The following ARHGEF7 variants were observed in gnomAD, a reference collection of about 807,000 sequenced individuals.
The protein encoded by ARHGEF7 is Rho guanine nucleotide exchange factor 7, also known as PAK-interacting exchange factor beta.
In ARHGEF7, 33 loss-of-function variants were observed where a neutral mutation model predicts 109.8. The ratio of observed to expected loss-of-function variants is 0.30; its 90% confidence interval spans 0.23 to 0.40. The LOEUF is 0.40. Among genes scored for constraint, ARHGEF7 ranks in the 10% least tolerant of loss-of-function variants. The pLI, the probability that ARHGEF7 is intolerant of heterozygous loss-of-function variation, is 1.00. For synonymous variants in ARHGEF7, 458 were observed against 424.6 expected (o/e 1.08, Z -0.97); for missense variants, 938 against 1,098.5 (o/e 0.85, Z 2.07).
At chr13:111,267,785 T>C in intron 9 of ARHGEF7, 115 bp downstream of exon 9, 1 of 1,279,686 alleles carries the variant, frequency 7.8e-7, no homozygotes, top group Non-Finnish European at 1.1e-6. Flanking sequence ...GTATGAATTT[T>C]AATTACCCCT....
chr13:111,132,203 A>G (rs2074791435), intron 1 of ARHGEF7, among the ~76,000 whole-genome samples: 1 of 152,142 alleles, frequency 6.6e-6, no homozygotes, highest in South Asian at 2.1e-4. Flanking sequence ...CCTTTCCCAC[A>G]TTTTAAAGTG....
At chr13:111,292,627 A>G in intron 19 of ARHGEF7, 7 of 1,186,570 alleles carry the variant, frequency 5.9e-6, no homozygotes, top group South Asian at 2.5e-5. Context: ...CAGTGTAGCA[A>G]CTGTTTGATT....
intron 6 of ARHGEF7, among the ~76,000 whole-genome samples, chr13:111,238,357 G>A (rs2087134916): frequency 6.6e-6 from 1 of 152,182 alleles, no homozygotes; most frequent in Admixed American, 6.5e-5. Context: ...CCCTGACCTG[G>A]TAGTATTAAG....
At chr13:111,212,024 G>T (rs1049758838) in intron 4 of ARHGEF7, among the ~76,000 whole-genome samples, 3 of 152,154 alleles carry the variant, frequency 2.0e-5, no homozygotes, top group Non-Finnish European at 4.4e-5. Flanking sequence ...CTCTTGTGTT[G>T]CTCCTTCATT....
Position 111,297,153 on chromosome 13 carries a change from A to T in ARHGEF7, c.2312-3595A>T, listed in dbSNP as rs186621771. Reference sequence around the variant, plus strand: ...ACTTACGTAAACCTGGCTAGAGAACATTTCTTTGTTGTTTTTTGAAAGGTA... The same window carrying T: ...ACTTACGTAAACCTGGCTAGAGAACTTTTCTTTGTTGTTTTTTGAAAGGTA... On this transcript the variant is annotated intron_variant, in intron 19 of 21. Coordinates refer to ENST00000646102, the MANE Select transcript of ARHGEF7 (RefSeq NM_001354046.2). Among the ~76,000 whole-genome samples the T allele has an allele frequency of 2.4e-3, 364 of 152,338 alleles. 2 individuals are homozygous for T. The highest frequency in any genetic ancestry group is 7.8e-3 in the African/African-American group (325 of 41,578).
At chr13:111,115,762 C>G in intron 1 of ARHGEF7, 71 bp downstream of exon 1, 1 of 943,112 alleles carries the variant, frequency 1.1e-6, no homozygotes, top group Non-Finnish European at 1.3e-6. Context: ...GCGCGCGGAG[C>G]ACCTGAGGCC....
At chr13:111,136,637 A>G (rs559883791) in intron 1 of ARHGEF7, among the ~76,000 whole-genome samples, 1 of 152,270 alleles carries the variant, frequency 6.6e-6, no homozygotes, top group African/African-American at 2.4e-5. Context: ...CCACAAGAGA[A>G]AGCAGGAAAG....
chr13:111,301,354 A>G (rs2093562230), intron 20 of ARHGEF7, 124 bp from the exon 21 acceptor site: 5 of 806,664 alleles, frequency 6.2e-6, no homozygotes, highest in South Asian at 3.3e-5. Flanking sequence ...TGTAGACAGT[A>G]CATGGGTAAG....
At chr13:111,173,508 C>T (rs983062869) in intron 2 of ARHGEF7, among the ~76,000 whole-genome samples, 2 of 152,208 alleles carry the variant, frequency 1.3e-5, no homozygotes, top group African/African-American at 4.8e-5. Context: ...TGCTCTGTAG[C>T]GTAAGCTCAG....
chr13:111,198,240 C>G (rs527919560), intron 2 of ARHGEF7, among the ~76,000 whole-genome samples: 1 of 152,176 alleles, frequency 6.6e-6, no homozygotes, highest in Non-Finnish European at 1.5e-5. Context: ...ATTTAGCCCC[C>G]GAATTCTACG....
Position 111,258,061 on chromosome 13 carries a change from G to A in ARHGEF7, c.951-9487G>A, listed in dbSNP as rs1320613877. Among the ~76,000 whole-genome samples, 1 of 152,222 alleles carries A rather than the reference G, an allele frequency of 6.6e-6. No homozygotes were observed. The highest frequency in any genetic ancestry group is 1.5e-5 in the Non-Finnish European group (1 of 68,028). ...GGGCTCTGAGCCAGTGGCCTTGGGG[G>A]GCCTGCAACCTAGTGAGACCTCAGC... On this transcript the variant is annotated intron_variant, in intron 8 of 21. Coordinates refer to ENST00000646102, the MANE Select transcript of ARHGEF7 (RefSeq NM_001354046.2). This position sits in a 1 kb window ranked among gnomAD's most constrained non-coding sequence, Gnocchi z 4.4.
At chr13:111,248,838 G>A (rs1254930012) in intron 8 of ARHGEF7, among the ~76,000 whole-genome samples, 1 of 152,130 alleles carries the variant, frequency 6.6e-6, no homozygotes, top group Non-Finnish European at 1.5e-5. Flanking sequence ...GATGGGTTAC[G>A]TCTTCATGAT....
intron 8 of ARHGEF7, among the ~76,000 whole-genome samples, chr13:111,256,426 G>A (rs768138502): frequency 1.7e-4 from 26 of 152,184 alleles, no homozygotes; most frequent in Non-Finnish European, 3.2e-4. Context: ...AGCCTGCTCC[G>A]GTTCTCAGTT....
chr13:111,119,845 T>C (rs2067057823), intron 1 of ARHGEF7, among the ~76,000 whole-genome samples: 1 of 152,216 alleles, frequency 6.6e-6, no homozygotes, highest in Non-Finnish European at 1.5e-5. Flanking sequence ...ATGTGCCTTT[T>C]CTTAGGTCCT....
At chr13:111,158,427 T>C (rs61966722) in intron 2 of ARHGEF7, among the ~76,000 whole-genome samples, 5,300 of 152,346 alleles carry the variant, frequency 0.035, 118 homozygotes, top group South Asian at 0.054. Flanking sequence ...ATGTTTGATA[T>C]GATAGGGATG....
At chr13:111,120,440 A>G (rs780155046) in intron 1 of ARHGEF7, among the ~76,000 whole-genome samples, 2 of 152,136 alleles carry the variant, frequency 1.3e-5, no homozygotes, top group African/African-American at 2.4e-5. Context: ...TGCCTGCACA[A>G]ACATGCACAT....
chr13:111,181,775 G>T (rs1336296185), intron 2 of ARHGEF7, among the ~76,000 whole-genome samples: 1 of 152,192 alleles, frequency 6.6e-6, no homozygotes, highest in Non-Finnish European at 1.5e-5. Context: ...GCTGTCATGG[G>T]GTTGGGACTC....
At chr13:111,128,495 A>G (rs972457964) in intron 1 of ARHGEF7, among the ~76,000 whole-genome samples, 1 of 150,956 alleles carries the variant, frequency 6.6e-6, no homozygotes, top group African/African-American at 2.5e-5. Context: ...CCTGTCTCAA[A>G]CAAGCAAACA....
rs189635357 is a variant in ARHGEF7, at chr13:111,217,908, G to A, written c.670+28G>A. ...AAGTGGCCGAGCCTGGGCTGTGTGT[G>A]GCTTTTTGCGATGAGCAGAAAGAAG... is the stretch of plus-strand genomic sequence containing the variant. On this transcript the variant is annotated intron_variant, in intron 5 of 21. Coordinates refer to ENST00000646102, the MANE Select transcript of ARHGEF7 (RefSeq NM_001354046.2). 4.5e-5 allele frequency: 71 copies of A among 1,584,494 alleles called. 1 individual carries two copies. Among genetic ancestry groups the A allele is most frequent in the South Asian group, 4.0e-4 (35 of 88,590 alleles).
Sources: allele counts gnomAD v4.1 joint callset (sites outside exome capture counted in the v4.1 genomes callset), GRCh38; gene constraint gnomAD v4.1.1; non-coding constraint Gnocchi (gnomAD v3.1); transcripts MANE v1.5; gene names NCBI Gene and HGNC (gene_info 2026-07-23, HGNC 2026-07-21).